Variants in SEMA5B observed in about 807,000 individuals in gnomAD.
SEMA5B encodes the protein semaphorin 5B.
Under a neutral mutation model 135.0 loss-of-function variants are expected in SEMA5B, and 66 were observed. The observed-to-expected ratio is 0.49, with a 90% CI of 0.40 to 0.60. The LOEUF (loss-of-function observed/expected upper bound fraction) is 0.60, where lower values mean the gene tolerates loss of function less well. Among genes scored for constraint, SEMA5B ranks in the 20% least tolerant of loss-of-function variants. The pLI is 0.00. For missense variants in SEMA5B, 1,501 were observed against 1,566.3 expected, an observed-to-expected ratio of 0.96 and a Z score of 0.70; for synonymous variants, 690 against 639.5, an observed-to-expected ratio of 1.08 and a Z score of -1.19.
At chr3:123,011,397 T>C (rs1242473005) in intron 1 of SEMA5B, among the ~76,000 whole-genome samples, 1 of 152,168 alleles carries the variant, frequency 6.6e-6, no homozygotes. Flanking sequence ...TGCAGTTCAG[T>C]GTAGGAGACT....
chr3:122,992,318 G>A (rs1227658443), intron 1 of SEMA5B, among the ~76,000 whole-genome samples: 1 of 152,216 alleles, frequency 6.6e-6, no homozygotes, highest in Non-Finnish European at 1.5e-5. Flanking sequence ...AATGGCTCCA[G>A]GACGATGATG....
Position 122,913,896 on chromosome 3 carries a change from G to A in SEMA5B, c.2094C>T (p.His698=), listed in dbSNP as rs1238826924. The A allele has an allele frequency of 1.2e-6, 2 of 1,612,392 alleles. No homozygotes were observed. Among genetic ancestry groups the A allele is most frequent in the Middle Eastern group, 1.6e-4 (1 of 6,070 alleles). The part of the protein sequence containing the change: ...QRSCSNPAPR[H]GGRICVGKSR... ...TCTTGCCCACGCAGATGCGGCCCCC[G>A]TGGCGGGGAGCAGGGTTGCTGCAAC... The change falls in exon 15 of 23, where the codon CAC becomes CAT. Residue 698 remains histidine, a synonymous_variant. Coordinates refer to ENST00000357599, the MANE Select transcript of SEMA5B (RefSeq NM_001031702.4).
At chr3:122,912,796 G>A in intron 18 of SEMA5B, 47 bp downstream of exon 18, 5 of 1,494,538 alleles carry the variant, frequency 3.3e-6, no homozygotes, top group Non-Finnish European at 4.5e-6. Flanking sequence ...GGGCCTCCAG[G>A]ATGACAGGGT....
At chr3:122,995,775 T>C (rs1942009765) in intron 1 of SEMA5B, among the ~76,000 whole-genome samples, 1 of 152,220 alleles carries the variant, frequency 6.6e-6, no homozygotes, top group South Asian at 2.1e-4. Flanking sequence ...GCCCACTGTA[T>C]CTTCCTCTTT....
intron 15 of SEMA5B, 77 bp from the exon 16 acceptor site, chr3:122,913,758 C>T: frequency 1.3e-6 from 2 of 1,580,286 alleles, no homozygotes; most frequent in East Asian, 2.2e-5. Flanking sequence ...AGTGCAAGAC[C>T]GGAAAGGACG....
chr3:122,986,488 G>A (rs1458888081), intron 1 of SEMA5B, among the ~76,000 whole-genome samples: 1 of 152,124 alleles, frequency 6.6e-6, no homozygotes, highest in Non-Finnish European at 1.5e-5. Context: ...TTTTCCCTGT[G>A]CATCCAAAGA....
rs763892861 is a variant in SEMA5B, at chr3:122,967,241, G to A, written c.-38-5940C>T. Reference sequence around the variant, plus strand: ...TGTGACAAATCTTGGAAGAATTATCGCAGCAATTATTCACTTTTGAATGTA... The same window carrying A: ...TGTGACAAATCTTGGAAGAATTATCACAGCAATTATTCACTTTTGAATGTA... On this transcript the variant is annotated intron_variant, in intron 1 of 22. Transcript: ENST00000357599. Among the ~76,000 whole-genome samples, 11 of 152,090 alleles carry A rather than the reference G, an allele frequency of 7.2e-5. No individual in the cohort carries two copies. The South Asian group carries it at 8.3e-4, about 11-fold the overall frequency.
intron 1 of SEMA5B, among the ~76,000 whole-genome samples, chr3:123,014,236 G>A (rs2034178): frequency 0.057 from 8,728 of 152,292 alleles, 282 homozygotes; most frequent in African/African-American, 0.078. Context: ...AAACCACAGA[G>A]ATGAACTCAA....
At chr3:122,982,130 G>A (rs1430965194) in intron 1 of SEMA5B, among the ~76,000 whole-genome samples, 1 of 152,194 alleles carries the variant, frequency 6.6e-6, no homozygotes, top group East Asian at 1.9e-4. Flanking sequence ...GTGGAGGGTC[G>A]AGTCTCTTGA....
At chr3:123,000,652 C>T (rs931533469) in intron 1 of SEMA5B, among the ~76,000 whole-genome samples, 2 of 152,168 alleles carry the variant, frequency 1.3e-5, no homozygotes, top group Non-Finnish European at 2.9e-5. Flanking sequence ...ATAGGTGGCA[C>T]AGCAGGAACT....
intron 1 of SEMA5B, among the ~76,000 whole-genome samples, chr3:123,018,754 C>T (rs1180569129): frequency 3.3e-5 from 5 of 152,218 alleles, no homozygotes; most frequent in Non-Finnish European, 5.9e-5. Context: ...CAGTAGAAGT[C>T]AGACTGCCTA....
intron 1 of SEMA5B, among the ~76,000 whole-genome samples, chr3:123,019,674 C>T (rs975200971): frequency 6.6e-6 from 1 of 152,188 alleles, no homozygotes; most frequent in African/African-American, 2.4e-5. Flanking sequence ...GTTTACCAGG[C>T]CGTTGTATAG....
intron 1 of SEMA5B, among the ~76,000 whole-genome samples, chr3:122,985,506 A>G (rs1390723801): frequency 6.6e-6 from 1 of 152,118 alleles, no homozygotes. Flanking sequence ...TTAAAAAAAA[A>G]AAAGAAAGAA....
chr3:122,986,943 G>A (rs1023585062), intron 1 of SEMA5B, among the ~76,000 whole-genome samples: 1 of 152,186 alleles, frequency 6.6e-6, no homozygotes, highest in African/African-American at 2.4e-5. Flanking sequence ...CTTGTGTGGG[G>A]CCCGGGATTG....
intron 1 of SEMA5B, among the ~76,000 whole-genome samples, chr3:122,980,639 A>G (rs982686429): frequency 6.6e-6 from 1 of 152,072 alleles, no homozygotes; most frequent in African/African-American, 2.4e-5. Flanking sequence ...CCAAATTATT[A>G]TTATTTTTAT....
intron 1 of SEMA5B, among the ~76,000 whole-genome samples, chr3:122,986,593 TTGTGTGTG>T (rs145873533): frequency 1.3e-4 from 19 of 144,386 alleles, no homozygotes; most frequent in African/African-American, 4.1e-4. Flanking sequence ...CAGAGCATAT[TTGTGTGTG>T]TGTGTGTGTG....
chr3:122,929,086 A>C, intron 5 of SEMA5B, 28 bp from the exon 6 acceptor site: 1 of 1,597,872 alleles, frequency 6.3e-7, no homozygotes. Flanking sequence ...GAGCACACAG[A>C]CATCACATGG....
intron 12 of SEMA5B, among the ~76,000 whole-genome samples, chr3:122,916,707 C>T (rs1419988266): frequency 6.6e-6 from 1 of 152,176 alleles, no homozygotes; most frequent in African/African-American, 2.4e-5. Context: ...CAAAACACAG[C>T]GCAGGATCGG....
In SEMA5B at chr3:123,018,245, A is replaced by C. The variant is rs111555453; in HGVS notation, c.-39+9219T>G. Among the ~76,000 whole-genome samples the C allele has an allele frequency of 2.6e-3, 401 of 152,320 alleles. 4 individuals are homozygous for C. The highest frequency in any genetic ancestry group is 9.2e-3 in the African/African-American group (381 of 41,568). ...CAGTTTACTGTTTACCCATCTGTTT[A>C]CCCATCGGGTTGGGAAGATGCTCAT... On this transcript the variant is annotated intron_variant, in intron 1 of 22. Transcript: ENST00000357599.
Sources: allele counts gnomAD v4.1 joint callset (sites outside exome capture counted in the v4.1 genomes callset), GRCh38; gene constraint gnomAD v4.1.1; transcripts MANE v1.5; gene names NCBI Gene and HGNC (gene_info 2026-07-23, HGNC 2026-07-21).